Variants in PDGFC observed in about 807,000 individuals in gnomAD.
PDGFC encodes the protein platelet derived growth factor C, also known as platelet-derived growth factor C.
In PDGFC, 12 loss-of-function variants were observed where a neutral mutation model predicts 35.5. The ratio of observed to expected loss-of-function variants is 0.34; its 90% CI spans 0.22 to 0.55. PDGFC has a LOEUF of 0.55. Ranked by LOEUF, PDGFC falls within the 20% of genes least tolerant of loss-of-function variation. The pLI is 0.91. For synonymous variants in PDGFC, 159 were observed against 148.8 expected (o/e 1.07, Z -0.50); for missense variants, 322 against 412.4 (o/e 0.78, Z 1.90).
At chr4:156,792,008 A>G (rs952774550) in intron 3 of PDGFC, among the ~76,000 whole-genome samples, 1 of 152,206 alleles carries the variant, frequency 6.6e-6, no homozygotes, top group Non-Finnish European at 1.5e-5. Flanking sequence ...TTATTATTCA[A>G]AGAGATCAAC....
chr4:156,943,878 C>T (rs1731873704), intron 1 of PDGFC, among the ~76,000 whole-genome samples: 1 of 152,156 alleles, frequency 6.6e-6, no homozygotes, highest in South Asian at 2.1e-4. Context: ...TTTTCACACT[C>T]TGCCTTTTCT....
At chr4:156,802,490 G>A (rs546543451) in intron 3 of PDGFC, among the ~76,000 whole-genome samples, 112 of 151,734 alleles carry the variant, frequency 7.4e-4, no homozygotes, top group Admixed American at 1.4e-3. Flanking sequence ...GTTCAGATTC[G>A]TTCTGTGGAA....
chr4:156,921,669 C>T (rs1004579777), intron 1 of PDGFC, among the ~76,000 whole-genome samples: 7 of 152,158 alleles, frequency 4.6e-5, no homozygotes, highest in African/African-American at 1.7e-4. Flanking sequence ...AATATTATCA[C>T]TCTGAGCAAA....
At chr4:156,788,759 T>C (rs1731197396) in intron 3 of PDGFC, among the ~76,000 whole-genome samples, 1 of 152,188 alleles carries the variant, frequency 6.6e-6, no homozygotes, top group South Asian at 2.1e-4. Context: ...TTTAAAACCA[T>C]TTTTCAGAAA....
intron 1 of PDGFC, among the ~76,000 whole-genome samples, chr4:156,902,606 T>C (rs982246371): frequency 1.1e-4 from 17 of 152,248 alleles, no homozygotes; most frequent in African/African-American, 3.4e-4. Context: ...TTATGTTTAC[T>C]TTGTGTAAAA....
chr4:156,850,441 A>G, intron 1 of PDGFC, 25 bp from the exon 2 acceptor site: 1 of 1,385,262 alleles, frequency 7.2e-7, no homozygotes, highest in Non-Finnish European at 9.9e-7. Flanking sequence ...ATAGACATAG[A>G]CATACATTTA....
intron 2 of PDGFC, among the ~76,000 whole-genome samples, chr4:156,815,697 T>C (rs551644164): frequency 5.9e-5 from 9 of 151,760 alleles, no homozygotes; most frequent in African/African-American, 1.9e-4. Context: ...CAGTCATCCT[T>C]AAATTCAGAA....
intron 3 of PDGFC, among the ~76,000 whole-genome samples, chr4:156,793,771 A>G (rs895453067): frequency 2.0e-5 from 3 of 151,850 alleles, no homozygotes; most frequent in Admixed American, 2.0e-4. Flanking sequence ...TAAGCATTTC[A>G]TAGTAATCCT....
At chr4:156,911,551 C>CTA (rs1374617632) in intron 1 of PDGFC, among the ~76,000 whole-genome samples, 1 of 151,872 alleles carries the variant, frequency 6.6e-6, no homozygotes, top group Non-Finnish European at 1.5e-5. Flanking sequence ...AGACTTTATG[C>CTA]TATATATATT....
intron 1 of PDGFC, chr4:156,861,539 C>T: frequency 1.5e-6 from 1 of 667,048 alleles, no homozygotes; most frequent in Non-Finnish European, 2.3e-6. Flanking sequence ...GACCTCAAAT[C>T]CTAATCTAGG....
At chr4:156,774,384 C>CT (rs1730766261) in intron 3 of PDGFC, 1 of 152,186 alleles carries the variant, frequency 6.6e-6, no homozygotes, top group African/African-American at 2.4e-5. Flanking sequence ...TTACAATGAC[C>CT]TTTTCAAAAA....
rs1731807473 is a variant in PDGFC at position 156,941,607 on chromosome 4, G to A, written c.118+29179C>T. Among the ~76,000 whole-genome samples, 3 of 152,100 alleles carry A rather than the reference G, an allele frequency of 2.0e-5. No homozygotes were observed. The South Asian group carries it at 6.2e-4, about 32-fold the overall frequency. On this transcript the variant is annotated intron_variant, in intron 1 of 5. Transcript: ENST00000502773. The stretch of plus-strand genomic sequence containing the variant: ...CTATTTTTTAAATGCCAAGGCAAAA[G>A]AAAATACCAAATAATGTGTTTGCTC...
chr4:156,836,691 G>C (rs1309886786), intron 2 of PDGFC, among the ~76,000 whole-genome samples: 1 of 152,132 alleles, frequency 6.6e-6, no homozygotes, highest in East Asian at 1.9e-4. Context: ...CTTCCATTCT[G>C]TACCTTCACA....
At chr4:156,891,303 AAAAAAAAAAAAAAAAAAAAAAAG>A (rs1730502448) in intron 1 of PDGFC, among the ~76,000 whole-genome samples, 6 of 71,154 alleles carry the variant, frequency 8.4e-5, no homozygotes, top group African/African-American at 2.1e-4. Flanking sequence ...AAAAAAAAAA[AAAAAAAAAAAAAAAAAAAAAAAG>A]GAAAAATACA....
chr4:156,768,011 C>G, intron 4 of PDGFC, 21 bp from the exon 5 acceptor site: 6 of 1,443,158 alleles, frequency 4.2e-6, no homozygotes, highest in Non-Finnish European at 5.8e-6. Context: ...TAAAAGAAAG[C>G]AAAGAAAAAT....
chr4:156,855,704 G>GT (rs1285400570), intron 1 of PDGFC, among the ~76,000 whole-genome samples: 1 of 151,988 alleles, frequency 6.6e-6, no homozygotes, highest in African/African-American at 2.4e-5. Context: ...TATGCTCACT[G>GT]TTTTTTTCAC....
chr4:156,790,943 T>G (rs1358652129), intron 3 of PDGFC, among the ~76,000 whole-genome samples: 1 of 152,190 alleles, frequency 6.6e-6, no homozygotes, highest in Non-Finnish European at 1.5e-5. Flanking sequence ...TTTTACATCC[T>G]ACATTGGCAT....
chr4:156,888,301 C>A (rs1460008585), intron 1 of PDGFC, among the ~76,000 whole-genome samples: 1 of 152,104 alleles, frequency 6.6e-6, no homozygotes, highest in Non-Finnish European at 1.5e-5. Context: ...AAAAACAAAA[C>A]TTCATATTAT....
intron 4 of PDGFC, 56 bp from the exon 5 acceptor site, chr4:156,768,046 TG>T: frequency 5.0e-6 from 5 of 990,922 alleles, no homozygotes; most frequent in Non-Finnish European, 4.8e-6. Context: ...TGAGCCTGAA[TG>T]TATTTCATTA....
Sources: allele counts gnomAD v4.1 joint callset (sites outside exome capture counted in the v4.1 genomes callset), GRCh38; gene constraint gnomAD v4.1.1; transcripts MANE v1.5; gene names NCBI Gene and HGNC (gene_info 2026-07-23, HGNC 2026-07-21).